Variants in CAMK2B observed in about 807,000 individuals in gnomAD.
CAMK2B encodes the protein calcium/calmodulin dependent protein kinase II beta.
A neutral mutation model predicts 93.7 loss-of-function variants in CAMK2B; 27 were observed. That is an observed-to-expected ratio of 0.29 (90% CI 0.21 to 0.40). CAMK2B has a LOEUF of 0.40. Among genes scored for constraint, CAMK2B ranks in the 10% least tolerant of loss-of-function variants. The pLI is 1.00. For synonymous variants in CAMK2B, 374 were observed against 358.8 expected, an observed-to-expected ratio of 1.04 and a Z score of -0.48; for missense variants, 568 against 895.8, an observed-to-expected ratio of 0.63 and a Z score of 4.67.
chr7:44,297,915 G>A lies in CAMK2B; in HGVS notation c.66-13690C>T, dbSNP rs531901923. Among the ~76,000 whole-genome samples the A allele has an allele frequency of 6.6e-5, 10 of 152,332 alleles. No individual in the cohort carries two copies. In the South Asian group the frequency reaches 2.1e-3, roughly 32 times the overall value. On this transcript the variant is annotated intron_variant, in intron 1 of 23. Transcript: ENST00000395749. ...ATGGAGGGTGGGTCACTTGAGGTCA[G>A]GAGTTCAAGACCAGCCTGGCCAACA... is the stretch of plus-strand genomic sequence containing the variant.
Position 44,240,839 on chromosome 7 carries a change from G to A in CAMK2B, c.904-90C>T. The stretch of plus-strand genomic sequence containing the variant: ...GATAAGACCCCTGTCCTCCTGCCCA[G>A]ATGCTCAGCCTCATTGTCATGAGGC... On this transcript the variant is annotated intron_variant, in intron 11 of 23. Transcript: ENST00000395749. 3.0e-6 allele frequency: 4 copies of A among 1,355,288 alleles called. No individual in the cohort carries two copies. The South Asian group carries it at 5.0e-5, about 17-fold the overall frequency. The allele number at this position is 1,355,288 out of a possible 1,614,324, so 84.0% of individuals were successfully genotyped here.
At chr7:44,259,584 T>C (rs2096862672) in intron 3 of CAMK2B, 2 of 151,952 alleles carry the variant, frequency 1.3e-5, no homozygotes. Flanking sequence ...CCCATGACAA[T>C]CTATGTGAAG....
chr7:44,252,867 C>A (rs937411575), intron 5 of CAMK2B, among the ~76,000 whole-genome samples: 1 of 152,250 alleles, frequency 6.6e-6, no homozygotes, highest in Admixed American at 6.5e-5. Context: ...AGGAAAACCT[C>A]GTCTTCCTCC....
chr7:44,275,509 A>G (rs2097026251), intron 2 of CAMK2B, among the ~76,000 whole-genome samples: 1 of 152,256 alleles, frequency 6.6e-6, no homozygotes, highest in Non-Finnish European at 1.5e-5. Context: ...GTCTCTTAAC[A>G]GTCTGGCTGA....
At chr7:44,273,730 A>G (rs1478825549) in intron 2 of CAMK2B, among the ~76,000 whole-genome samples, 4 of 152,002 alleles carry the variant, frequency 2.6e-5, no homozygotes, top group Non-Finnish European at 4.4e-5. Flanking sequence ...CCAGGGCTGC[A>G]CTCTTGACCA....
intron 1 of CAMK2B, among the ~76,000 whole-genome samples, chr7:44,293,680 A>G (rs4994506): frequency 0.042 from 6,330 of 152,308 alleles, 145 homozygotes; most frequent in Middle Eastern, 0.1. Flanking sequence ...TCGCTTGCAC[A>G]GTTCACAATA....
chr7:44,324,354 G>T (rs1796926377), intron 1 of CAMK2B, among the ~76,000 whole-genome samples: 2 of 152,210 alleles, frequency 1.3e-5, no homozygotes, highest in Non-Finnish European at 2.9e-5. Context: ...TCAGGCTGGA[G>T]ATTCAGGAGT....
rs1055904441 is a variant in CAMK2B at position 44,300,784 on chromosome 7, T to C, written c.66-16559A>G. Among the ~76,000 whole-genome samples, 3 of 152,208 alleles carry C rather than the reference T, an allele frequency of 2.0e-5. No individual in the cohort carries two copies. The East Asian group carries it at 5.8e-4, about 29-fold the overall frequency. On this transcript the variant is annotated intron_variant, in intron 1 of 23. Coordinates refer to ENST00000395749, the MANE Select transcript of CAMK2B (RefSeq NM_001220.5). The stretch of plus-strand genomic sequence containing the variant: ...AACAGCTTCATCAATCAACTGGCTC[T>C]AACAGACATCTATAGACTACTTCAT...
At chr7:44,300,181 T>C (rs140635334) in intron 1 of CAMK2B, among the ~76,000 whole-genome samples, 1,851 of 152,142 alleles carry the variant, frequency 0.012, 44 homozygotes, top group African/African-American at 0.042. Context: ...ACTACAGGCA[T>C]GTGCCACCAT....
At chr7:44,257,005 T>C (rs757056763) in intron 4 of CAMK2B, among the ~76,000 whole-genome samples, 1 of 152,218 alleles carries the variant, frequency 6.6e-6, no homozygotes, top group Non-Finnish European at 1.5e-5. Context: ...GGGGGACACA[T>C]GGCTGATTCT....
At chr7:44,275,453 G>A (rs2097025614) in intron 2 of CAMK2B, among the ~76,000 whole-genome samples, 1 of 152,232 alleles carries the variant, frequency 6.6e-6, no homozygotes, top group South Asian at 2.1e-4. Flanking sequence ...CTTTCTAGAA[G>A]CCTTCGATTA....
At chr7:44,241,474 G>A (rs2096678009) in intron 11 of CAMK2B, among the ~76,000 whole-genome samples, 1 of 152,232 alleles carries the variant, frequency 6.6e-6, no homozygotes, top group South Asian at 2.1e-4. Context: ...GCTAGGAGGT[G>A]GCACAGACAA....
chr7:44,220,654 A>G lies in CAMK2B; in HGVS notation c.1730T>C (p.Val577Ala). Residue 577 changes from valine to alanine, a missense_variant, in exon 22 of 24, where the codon GTT (valine) becomes GCT (alanine). By Grantham distance (64) the Val-to-Ala change is moderately conservative (BLOSUM62 0). This residue lies in a region of CAMK2B where 116 missense variants were observed against 188.0 expected (regional missense o/e 0.62). Transcript: ENST00000395749. ...GAATCTGTGGAAGTCCATCCCTTCA[A>G]CCAGGTTGCCCAGTGCTTCAGGCTC... Reference protein sequence around the residue: ...SFEPEALGNLVEGMDFHRFYF... With the variant: ...SFEPEALGNLAEGMDFHRFYF... 1 of 1,613,746 alleles carries G rather than the reference A, an allele frequency of 6.2e-7. No individual in the cohort carries two copies. The highest frequency in any genetic ancestry group is 8.5e-7 in the Non-Finnish European group (1 of 1,179,958).
intron 2 of CAMK2B, among the ~76,000 whole-genome samples, chr7:44,280,168 A>C (rs2097091060): frequency 6.6e-6 from 1 of 152,190 alleles, no homozygotes; most frequent in South Asian, 2.1e-4. Context: ...AGGGGCCAGG[A>C]AGCCCTGGGT....
At chr7:44,257,330 C>T (rs979662822) in intron 4 of CAMK2B, among the ~76,000 whole-genome samples, 2 of 152,224 alleles carry the variant, frequency 1.3e-5, no homozygotes, top group Non-Finnish European at 2.9e-5. Context: ...GCCAGCCAAT[C>T]TCCTCTTCCC....
At chr7:44,247,025 C>T in intron 6 of CAMK2B, 95 bp downstream of exon 6, 1 of 975,356 alleles carries the variant, frequency 1.0e-6, no homozygotes, top group Non-Finnish European at 1.6e-6. Flanking sequence ...CCAAGCTCCA[C>T]AGTGCCACAC....
intron 1 of CAMK2B, among the ~76,000 whole-genome samples, chr7:44,297,520 C>G (rs1417871799): frequency 6.6e-6 from 1 of 152,128 alleles, no homozygotes; most frequent in Admixed American, 6.5e-5. Flanking sequence ...ATGTCAATGG[C>G]TCTATATACA....
At chr7:44,280,410 G>C (rs1018245894) in intron 2 of CAMK2B, among the ~76,000 whole-genome samples, 59 of 152,168 alleles carry the variant, frequency 3.9e-4, no homozygotes, top group African/African-American at 1.4e-3. Flanking sequence ...GTATGGCCCT[G>C]GGAAGTGCAT....
At chr7:44,289,262 G>A (rs979226026) in intron 1 of CAMK2B, among the ~76,000 whole-genome samples, 3 of 152,190 alleles carry the variant, frequency 2.0e-5, no homozygotes, top group African/African-American at 4.8e-5. Flanking sequence ...CATGCTGGTC[G>A]CACTGCGGCC....
Sources: allele counts gnomAD v4.1 joint callset (sites outside exome capture counted in the v4.1 genomes callset), GRCh38; gene constraint gnomAD v4.1.1; regional missense constraint gnomAD v4.1.1; transcripts MANE v1.5; gene names NCBI Gene and HGNC (gene_info 2026-07-23, HGNC 2026-07-21).